Variants in FRMD4A observed in about 807,000 individuals in gnomAD.
FRMD4A encodes FERM domain-containing protein 4A.
FRMD4A carries 29 observed loss-of-function variants against 129.1 expected under a neutral mutation model. The ratio of observed to expected loss-of-function variants is 0.22; its 90% CI spans 0.17 to 0.31. FRMD4A has a LOEUF of 0.31. Ranked by LOEUF, FRMD4A falls within the 10% of genes least tolerant of loss-of-function variation. The probability of loss-of-function intolerance (pLI) is 1.00; values close to 1 mark genes in which losing one functional copy is unlikely to be tolerated. For synonymous variants in FRMD4A, 634 were observed against 571.6 expected (o/e 1.11, Z -1.56); for missense variants, 1,272 against 1,375.8 (o/e 0.92, Z 1.19).
At chr10:13,874,010 G>T (rs1300343698) in intron 2 of FRMD4A, among the ~76,000 whole-genome samples, 3 of 150,832 alleles carry the variant, frequency 2.0e-5, no homozygotes, top group Non-Finnish European at 4.4e-5. Context: ...ACTTTGGGAG[G>T]CCGAGGCAGA....
chr10:13,960,479 GGTCTAA>G (rs1164464065), intron 2 of FRMD4A, among the ~76,000 whole-genome samples: 2 of 152,118 alleles, frequency 1.3e-5, no homozygotes, highest in East Asian at 3.9e-4. Flanking sequence ...TCTCAGGTTT[GGTCTAA>G]GTACTTTATA....
Position 13,646,598 on chromosome 10 carries a change from A to C in FRMD4A, c.*440T>G, listed in dbSNP as rs1053329003. 1 of 152,304 alleles carries C rather than the reference A, an allele frequency of 6.6e-6. No homozygotes were observed. The highest frequency in any genetic ancestry group is 1.5e-5 in the Non-Finnish European group (1 of 68,116). The allele number at this position is 152,304 out of a possible 1,614,324, so 9.4% of individuals were successfully genotyped here. ...AAGTCCCCTTTCCCGTTCTCTCCCAACGCTACTTATCCGCAGGAATTGGAT... is the reference window on the plus strand; with the variant it reads ...AAGTCCCCTTTCCCGTTCTCTCCCACCGCTACTTATCCGCAGGAATTGGAT... On this transcript the variant is annotated 3_prime_UTR_variant, in exon 25 of 25. Coordinates refer to ENST00000357447, the MANE Select transcript of FRMD4A (RefSeq NM_018027.5).
chr10:13,722,631 T>C (rs1373995395), intron 12 of FRMD4A, among the ~76,000 whole-genome samples: 3 of 152,120 alleles, frequency 2.0e-5, no homozygotes, highest in Non-Finnish European at 1.5e-5. Flanking sequence ...TGTGAGTAAC[T>C]TCACCGCTGC....
intron 6 of FRMD4A, among the ~76,000 whole-genome samples, chr10:13,769,209 T>TTG (rs10558943): frequency 0.071 from 10,228 of 145,050 alleles, 681 homozygotes; most frequent in African/African-American, 0.18. Flanking sequence ...AAGAGATGGG[T>TTG]TGTGTGTGTG....
At chr10:13,972,328 G>C in intron 2 of FRMD4A, 1 of 986,000 alleles carries the variant, frequency 1.0e-6, no homozygotes, top group Non-Finnish European at 1.2e-6. Flanking sequence ...GTTTCCACAA[G>C]GTCAAGCAAA....
chr10:14,195,762 A>C (rs181185093), intron 2 of FRMD4A, among the ~76,000 whole-genome samples: 1 of 152,186 alleles, frequency 6.6e-6, no homozygotes, highest in Non-Finnish European at 1.5e-5. Flanking sequence ...GGATAAAATT[A>C]ATAGTAGCAA....
intron 16 of FRMD4A, among the ~76,000 whole-genome samples, chr10:13,673,876 A>G (rs930555719): frequency 1.3e-5 from 2 of 150,350 alleles, no homozygotes; most frequent in Admixed American, 6.7e-5. Flanking sequence ...TTCAGGCTCA[A>G]GCGATCCTCC....
At chr10:13,912,692 T>C (rs886137296) in intron 2 of FRMD4A, among the ~76,000 whole-genome samples, 3 of 152,060 alleles carry the variant, frequency 2.0e-5, no homozygotes, top group Admixed American at 2.0e-4. Context: ...CATGCCCGGC[T>C]AATTTTTTTT....
intron 2 of FRMD4A, among the ~76,000 whole-genome samples, chr10:14,276,859 A>G (rs530821152): frequency 6.6e-6 from 1 of 152,044 alleles, no homozygotes; most frequent in South Asian, 2.1e-4. Flanking sequence ...TTTTATTATT[A>G]TTGTTATTTA....
At chr10:14,218,955 C>CAAAAAAAAA (rs56064346) in intron 2 of FRMD4A, among the ~76,000 whole-genome samples, 7 of 72,650 alleles carry the variant, frequency 9.6e-5, no homozygotes, top group African/African-American at 4.6e-4. Flanking sequence ...GACTTCATCT[C>CAAAAAAAAA]AAAAAAAAAA....
intron 2 of FRMD4A, among the ~76,000 whole-genome samples, chr10:14,294,022 T>C (rs564048157): frequency 1.4e-4 from 22 of 152,300 alleles, no homozygotes; most frequent in South Asian, 1.2e-3. Flanking sequence ...AATTCCACAG[T>C]ACCACAACCA....
At chr10:14,225,453 C>A (rs952410542) in intron 2 of FRMD4A, among the ~76,000 whole-genome samples, 5 of 152,204 alleles carry the variant, frequency 3.3e-5, no homozygotes, top group Admixed American at 6.5e-5. Context: ...GGAAACCGTG[C>A]CTTCATTTGC....
At chr10:13,661,170 C>T (rs1222934451) in intron 19 of FRMD4A, among the ~76,000 whole-genome samples, 2 of 152,192 alleles carry the variant, frequency 1.3e-5, no homozygotes, top group African/African-American at 4.8e-5. Flanking sequence ...TTTGAAACTG[C>T]CTTAACTTTT....
intron 2 of FRMD4A, among the ~76,000 whole-genome samples, chr10:14,299,371 G>A (rs11599398): frequency 0.035 from 5,354 of 152,124 alleles, 123 homozygotes; most frequent in Middle Eastern, 0.078. Flanking sequence ...AGGAGCCATC[G>A]GGTGCAGGAG....
chr10:13,991,181 A>G (rs1250750849), intron 2 of FRMD4A, among the ~76,000 whole-genome samples: 1 of 152,216 alleles, frequency 6.6e-6, no homozygotes, highest in Non-Finnish European at 1.5e-5. Context: ...GATAGCATTC[A>G]GCTGAGTACA....
At chr10:14,260,367 G>T (rs11258982) in intron 2 of FRMD4A, among the ~76,000 whole-genome samples, 10,300 of 152,218 alleles carry the variant, frequency 0.068, 423 homozygotes, top group South Asian at 0.13. Flanking sequence ...TGTCCAGTCT[G>T]CAAATATTGA....
At chr10:13,802,631 GT>G (rs1166907018) in intron 4 of FRMD4A, among the ~76,000 whole-genome samples, 2 of 151,844 alleles carry the variant, frequency 1.3e-5, no homozygotes, top group Admixed American at 6.6e-5. Flanking sequence ...AAAAAAAAAG[GT>G]TTTTTTTGTT....
chr10:13,778,065 T>A (rs1011823576), intron 6 of FRMD4A, among the ~76,000 whole-genome samples: 4 of 151,924 alleles, frequency 2.6e-5, no homozygotes, highest in Non-Finnish European at 5.9e-5. Flanking sequence ...CCTCCCAAAG[T>A]GCTGGGATTA....
intron 15 of FRMD4A, among the ~76,000 whole-genome samples, chr10:13,678,869 T>C (rs1277194347): frequency 1.3e-5 from 2 of 152,230 alleles, no homozygotes; most frequent in Admixed American, 1.3e-4. Context: ...ATAATTAGCA[T>C]ATCCATTATC....
Sources: gnomAD v4.1 joint callset for allele counts (sites outside exome capture counted in the v4.1 genomes callset) on GRCh38, gnomAD v4.1.1 for gene constraint, MANE v1.5 for transcripts, NCBI Gene and HGNC (gene_info 2026-07-23, HGNC 2026-07-21) for gene names.